The following ADORA2B variants were observed in gnomAD, a reference collection of about 807,000 sequenced individuals.
The protein encoded by ADORA2B is adenosine A2b receptor, also known as adenosine receptor A2b.
ADORA2B carries 18 observed loss-of-function variants against 20.8 expected under a neutral mutation model. The ratio of observed to expected loss-of-function variants is 0.87; its 90% CI spans 0.60 to 1.29. The LOEUF is 1.29. Ranked by LOEUF, ADORA2B falls within the 50% of genes most tolerant of loss-of-function variation. The probability of loss-of-function intolerance (pLI) is 0.00; values close to 1 mark genes in which losing one functional copy is unlikely to be tolerated. For synonymous variants in ADORA2B, 179 were observed against 178.3 expected, an observed-to-expected ratio of 1.00 and a Z score of -0.03; for missense variants, 441 against 422.7, an observed-to-expected ratio of 1.04 and a Z score of -0.38.
At chr17:15,896,226 C>T in the ADORA2B span, among the ~76,000 whole-genome samples, 7 of 152,102 alleles carry the variant, frequency 4.6e-5, no homozygotes, top group Non-Finnish European at 7.4e-5. Flanking sequence ...ATTATCTACT[C>T]GAGCTAGTCA....
At chr17:15,884,389 T>C in the ADORA2B span, among the ~76,000 whole-genome samples, 1 of 134,298 alleles carries the variant, frequency 7.4e-6, no homozygotes, top group East Asian at 2.0e-4. Flanking sequence ...ATTTTAAAAT[T>C]TATTAAATTT....
intron 1 of ADORA2B, among the ~76,000 whole-genome samples, chr17:15,970,396 G>A (rs1436891296): frequency 6.6e-6 from 1 of 152,174 alleles, no homozygotes; most frequent in East Asian, 1.9e-4. Context: ...AAGTTCAGAT[G>A]GGGTGGACTC....
chr17:15,941,603 C>G (rs2151588255), upstream of ADORA2B, among the ~76,000 whole-genome samples: 1 of 151,994 alleles, frequency 6.6e-6, no homozygotes, highest in East Asian at 1.9e-4. Flanking sequence ...TGGTGTGCAC[C>G]TGTAGTCCTA....
chr17:15,929,621 C>G, the ADORA2B span, among the ~76,000 whole-genome samples: 2 of 152,218 alleles, frequency 1.3e-5, no homozygotes, highest in Non-Finnish European at 2.9e-5. Flanking sequence ...ACCCAAGCAT[C>G]CATCTACAGA....
chr17:15,959,231 C>T (rs1970006575), intron 1 of ADORA2B, among the ~76,000 whole-genome samples: 1 of 152,158 alleles, frequency 6.6e-6, no homozygotes, highest in Admixed American at 6.5e-5. Flanking sequence ...AGTCATTTAG[C>T]AACCTAGTCT....
At chr17:15,895,807 G>A in the ADORA2B span, among the ~76,000 whole-genome samples, 13 of 152,314 alleles carry the variant, frequency 8.5e-5, no homozygotes, top group East Asian at 1.7e-3. Context: ...GAAGCAAAGA[G>A]AGGGAGGACT....
chr17:15,938,036 C>T, the ADORA2B span, among the ~76,000 whole-genome samples: 1 of 152,130 alleles, frequency 6.6e-6, no homozygotes, highest in Non-Finnish European at 1.5e-5. Context: ...TTTTCCACGC[C>T]TCCATTTCCT....
the ADORA2B span, among the ~76,000 whole-genome samples, chr17:15,909,918 C>G: frequency 1.3e-5 from 2 of 152,290 alleles, no homozygotes; most frequent in African/African-American, 4.8e-5. Flanking sequence ...GAGCCCTCCC[C>G]AGAGCCGCCC....
chr17:15,924,314 A>G, the ADORA2B span, among the ~76,000 whole-genome samples: 31 of 152,164 alleles, frequency 2.0e-4, no homozygotes, highest in African/African-American at 7.0e-4. Flanking sequence ...ATTCTTCTAG[A>G]ACTTTCATTG....
At chr17:15,882,337 C>T in the ADORA2B span, among the ~76,000 whole-genome samples, 1 of 151,764 alleles carries the variant, frequency 6.6e-6, no homozygotes, top group Admixed American at 6.5e-5. Flanking sequence ...TGTGCCTCTT[C>T]TGACCTGCCA....
chr17:15,923,893 TG>T, the ADORA2B span, among the ~76,000 whole-genome samples: 27 of 152,158 alleles, frequency 1.8e-4, no homozygotes, highest in Non-Finnish European at 3.8e-4. Context: ...TTTGCAGCTT[TG>T]TTTTTTTTGT....
chr17:15,913,444 T>G, the ADORA2B span, among the ~76,000 whole-genome samples: 2 of 152,234 alleles, frequency 1.3e-5, no homozygotes, highest in Non-Finnish European at 2.9e-5. Flanking sequence ...AACAGTTGTT[T>G]CCAGCTTTTC....
chr17:15,891,069 C>A, the ADORA2B span, among the ~76,000 whole-genome samples: 1 of 152,176 alleles, frequency 6.6e-6, no homozygotes, highest in East Asian at 1.9e-4. Flanking sequence ...GAGTTCAAGA[C>A]CAGCCTGGCC....
At chr17:15,871,683 C>T in the ADORA2B span, among the ~76,000 whole-genome samples, 3 of 152,186 alleles carry the variant, frequency 2.0e-5, no homozygotes, top group African/African-American at 4.8e-5. Flanking sequence ...GATAAAAACG[C>T]TGGATGCAGA....
rs760366487 is a variant in ADORA2B, at chr17:15,945,554, C to T, written c.306C>T (p.Asp102=). 11 of 1,579,572 alleles carry T rather than the reference C, an allele frequency of 7.0e-6. No individual in the cohort carries two copies. The highest frequency in any genetic ancestry group is 1.3e-5 in the African/African-American group (1 of 74,306). Residue 102 remains aspartate, a synonymous_variant, in exon 1 of 2, where the codon GAC becomes GAT. Coordinates refer to ENST00000304222, the MANE Select transcript of ADORA2B (RefSeq NM_000676.4). The part of the protein sequence containing the change: ...SIFSLLAVAV[D]RYLAICVPLR... ...TCAGCCTTCTGGCCGTGGCAGTCGA[C>T]AGATACCTGGCCATCTGTGTCCCGC...
chr17:15,939,498 A>G, the ADORA2B span, among the ~76,000 whole-genome samples: 1 of 152,190 alleles, frequency 6.6e-6, no homozygotes, highest in Non-Finnish European at 1.5e-5. Context: ...GAATTGGAAA[A>G]TCCAAGTTGT....
chr17:15,974,877 C>G lies in ADORA2B; in HGVS notation c.534C>G (p.Pro178=). The change falls in exon 2 of 2, where the codon CCC becomes CCG. Residue 178 remains proline, a synonymous_variant. Coordinates refer to ENST00000304222, the MANE Select transcript of ADORA2B (RefSeq NM_000676.4). ...LVKCLFENVV[P]MSYMVYFNFF... is the part of the protein sequence containing the mutation. ...AGTGTCTCTTTGAGAATGTGGTCCC[C>G]ATGAGCTACATGGTATATTTCAATT... 1 of 1,614,158 alleles carries G rather than the reference C, an allele frequency of 6.2e-7. No homozygotes were observed. Among genetic ancestry groups the G allele is most frequent in the Non-Finnish European group, 8.5e-7 (1 of 1,180,040 alleles).
Position 15,957,438 on chromosome 17 carries a change from G to A in ADORA2B, c.335+11855G>A, listed in dbSNP as rs115311614. On this transcript the variant is annotated intron_variant, in intron 1 of 1. Transcript: ENST00000304222. ...CAGATCTGATCGATAGCACATAGTC[G>A]TGTGCTTCTGGCTGGAAGACAGGGC... Among the ~76,000 whole-genome samples, 592 of 152,284 alleles carry A rather than the reference G, an allele frequency of 3.9e-3. 7 individuals carry two copies. The highest frequency in any genetic ancestry group is 0.013 in the African/African-American group (558 of 41,570).
At chr17:15,924,846 TG>T in the ADORA2B span, among the ~76,000 whole-genome samples, 1 of 151,964 alleles carries the variant, frequency 6.6e-6, no homozygotes, top group African/African-American at 2.4e-5. Context: ...GTCTTTCAAA[TG>T]TTTTTTTCTT....
Sources: allele counts gnomAD v4.1 joint callset (sites outside exome capture counted in the v4.1 genomes callset), GRCh38; gene constraint gnomAD v4.1.1; transcripts MANE v1.5; gene names NCBI Gene and HGNC (gene_info 2026-07-23, HGNC 2026-07-21).